KCNIP4: variants seen among roughly 807,000 people sequenced by gnomAD.
The protein encoded by KCNIP4 is Kv channel-interacting protein 4.
Under a neutral mutation model 34.0 loss-of-function variants are expected in KCNIP4, and 12 were observed. That is an observed-to-expected ratio of 0.35 (90% CI 0.23 to 0.57). The LOEUF (loss-of-function observed/expected upper bound fraction) is 0.57. Ranked by LOEUF, KCNIP4 falls within the 20% of genes least tolerant of loss-of-function variation. The pLI, the probability that KCNIP4 is intolerant of heterozygous loss-of-function variation, is 0.83. For missense variants in KCNIP4, 238 were observed against 311.7 expected (o/e 0.76, Z 1.78); for synonymous variants, 124 against 102.2 (o/e 1.21, Z -1.29).
intron 1 of KCNIP4, among the ~76,000 whole-genome samples, chr4:20,979,399 C>CTTTTTTTT (rs762394597): frequency 1.5e-5 from 2 of 133,320 alleles, no homozygotes; most frequent in Non-Finnish European, 1.6e-5. Context: ...CACTTTCTTT[C>CTTTTTTTT]TTTTTTTTTT....
intron 1 of KCNIP4, among the ~76,000 whole-genome samples, chr4:21,815,356 G>A (rs576781570): frequency 5.7e-4 from 87 of 152,250 alleles, no homozygotes; most frequent in African/African-American, 2.0e-3. Context: ...ATGTGATAAT[G>A]TATGTAAAGA....
At chr4:20,856,552 G>A (rs997437067) in intron 2 of KCNIP4, among the ~76,000 whole-genome samples, 4 of 152,078 alleles carry the variant, frequency 2.6e-5, no homozygotes, top group Admixed American at 2.6e-4. Flanking sequence ...TATCTTACAT[G>A]TCTTGTTTAT....
chr4:21,524,920 T>C (rs1735849501), intron 1 of KCNIP4, among the ~76,000 whole-genome samples: 1 of 152,194 alleles, frequency 6.6e-6, no homozygotes, highest in Admixed American at 6.5e-5. Flanking sequence ...CAACATATAC[T>C]ATGTGCAAAG....
At chr4:21,516,038 C>A (rs936538237) in intron 1 of KCNIP4, among the ~76,000 whole-genome samples, 2 of 152,116 alleles carry the variant, frequency 1.3e-5, no homozygotes, top group Non-Finnish European at 2.9e-5. Context: ...AGTAGTAGCT[C>A]AATTGATTAT....
chr4:20,924,815 A>T (rs909401920), intron 1 of KCNIP4, among the ~76,000 whole-genome samples: 7 of 152,190 alleles, frequency 4.6e-5, no homozygotes, highest in Non-Finnish European at 8.8e-5. Flanking sequence ...AACACTGGAA[A>T]CACATAAGTG....
intron 2 of KCNIP4, among the ~76,000 whole-genome samples, chr4:20,855,092 C>A (rs1013967697): frequency 6.6e-5 from 10 of 152,138 alleles, no homozygotes; most frequent in African/African-American, 2.2e-4. Context: ...TCCATAGAAC[C>A]TTTCCTGGCC....
At chr4:21,110,281 A>T (rs7696531) in intron 1 of KCNIP4, among the ~76,000 whole-genome samples, 44,245 of 152,048 alleles carry the variant, frequency 0.29, 7,104 homozygotes, top group African/African-American at 0.44. Context: ...ATGATCATGT[A>T]GGTGGGTTTA....
intron 1 of KCNIP4, among the ~76,000 whole-genome samples, chr4:21,888,953 T>C (rs1726937588): frequency 6.6e-6 from 1 of 152,166 alleles, no homozygotes; most frequent in Admixed American, 6.6e-5. Flanking sequence ...AAACTTGAAA[T>C]GCTCCAAAAT....
At chr4:20,941,407 G>A (rs543777751) in intron 1 of KCNIP4, among the ~76,000 whole-genome samples, 10 of 152,160 alleles carry the variant, frequency 6.6e-5, no homozygotes, top group Non-Finnish European at 1.2e-4. Context: ...TAAAAGTTAC[G>A]AAACAGATGT....
chr4:20,845,582 G>T (rs12641660), intron 3 of KCNIP4, among the ~76,000 whole-genome samples: 55,882 of 151,992 alleles, frequency 0.37, 10,695 homozygotes, highest in Non-Finnish European at 0.43. Flanking sequence ...GCCTGTTCAG[G>T]TTGTCTCTTC....
intron 1 of KCNIP4, among the ~76,000 whole-genome samples, chr4:21,839,214 GAAT>G (rs1161564551): frequency 2.0e-5 from 3 of 152,088 alleles, no homozygotes; most frequent in East Asian, 3.9e-4. Flanking sequence ...AAATGTAATT[GAAT>G]AATAAATCAA....
At chr4:21,862,024 A>G (rs1353262000) in intron 1 of KCNIP4, among the ~76,000 whole-genome samples, 2 of 151,962 alleles carry the variant, frequency 1.3e-5, no homozygotes, top group Non-Finnish European at 2.9e-5. Context: ...GGATAATTCC[A>G]CCTCTGAGCT....
chr4:21,838,957 T>C (rs547931512), intron 1 of KCNIP4, among the ~76,000 whole-genome samples: 2 of 152,322 alleles, frequency 1.3e-5, no homozygotes, highest in East Asian at 1.9e-4. Flanking sequence ...TTCAGTCAAA[T>C]AGTCCAGTTA....
intron 2 of KCNIP4, among the ~76,000 whole-genome samples, chr4:20,866,144 C>T (rs1560527502): frequency 6.6e-6 from 1 of 151,958 alleles, no homozygotes; most frequent in Non-Finnish European, 1.5e-5. Context: ...GAGCCCCTCC[C>T]TAACTCATTC....
rs141818314 is a variant in KCNIP4, at chr4:21,356,877, G to C, written c.62-474168C>G. 2.4e-3 allele frequency among the ~76,000 whole-genome samples: 361 copies of C among 152,220 alleles called. 2 individuals carry two copies. The highest frequency in any genetic ancestry group is 8.5e-3 in the African/African-American group (351 of 41,518). ...TAGCCAAGATAATCGTAAGCCAAAA[G>C]AACAAAGCTGGAGGCATCACGCTAC... On this transcript the variant is annotated intron_variant, in intron 1 of 8. Coordinates refer to ENST00000382152, the MANE Select transcript of KCNIP4 (RefSeq NM_025221.6).
At chr4:20,732,408 T>C (rs1218199947) in intron 7 of KCNIP4, among the ~76,000 whole-genome samples, 1 of 152,206 alleles carries the variant, frequency 6.6e-6, no homozygotes, top group African/African-American at 2.4e-5. Flanking sequence ...TGAGGATTTA[T>C]AGGATTCTTG....
intron 1 of KCNIP4, among the ~76,000 whole-genome samples, chr4:21,155,330 G>T (rs571671080): frequency 2.6e-5 from 4 of 152,248 alleles, no homozygotes; most frequent in South Asian, 4.1e-4. Flanking sequence ...TATTGCCTCT[G>T]CCAAGGAACC....
At chr4:21,244,743 A>G (rs571752238) in intron 1 of KCNIP4, among the ~76,000 whole-genome samples, 2 of 152,302 alleles carry the variant, frequency 1.3e-5, no homozygotes, top group African/African-American at 4.8e-5. Context: ...CAGTTTTTAG[A>G]ACAAATGCTT....
chr4:21,145,028 T>A (rs552618068), intron 1 of KCNIP4, among the ~76,000 whole-genome samples: 4 of 152,182 alleles, frequency 2.6e-5, no homozygotes, highest in South Asian at 2.1e-4. Flanking sequence ...TTATTCAGAA[T>A]GAGAAAATAA....
Sources: allele counts gnomAD v4.1 joint callset (sites outside exome capture counted in the v4.1 genomes callset), GRCh38; gene constraint gnomAD v4.1.1; transcripts MANE v1.5; gene names NCBI Gene and HGNC (gene_info 2026-07-23, HGNC 2026-07-21).